FAM227B: variants seen among roughly 807,000 people sequenced by gnomAD.
FAM227B encodes the protein family with sequence similarity 227 member B.
In FAM227B, 88 loss-of-function variants were observed where a neutral mutation model predicts 73.8. That is an observed-to-expected ratio of 1.19 (90% CI 1.00 to 1.42). The LOEUF is 1.42. Among genes scored for constraint, FAM227B ranks in the 40% most tolerant of loss-of-function variants. The pLI is 0.00. For missense variants in FAM227B, 632 were observed against 590.9 expected (o/e 1.07, Z -0.72); for synonymous variants, 210 against 190.5 (o/e 1.10, Z -0.84).
chr15:49,525,702 A>C (rs2152200377), intron 10 of FAM227B, among the ~76,000 whole-genome samples: 1 of 71,306 alleles, frequency 1.4e-5, no homozygotes, highest in African/African-American at 3.8e-5. Context: ...ATATATATAT[A>C]TATATATATA....
chr15:49,563,093 A>G (rs981216539), intron 9 of FAM227B, among the ~76,000 whole-genome samples: 3 of 152,194 alleles, frequency 2.0e-5, no homozygotes, highest in Admixed American at 6.5e-5. Context: ...TACCTAGAAC[A>G]TCCTAAAGAC....
chr15:49,517,679 T>G (rs2059471026), intron 10 of FAM227B, among the ~76,000 whole-genome samples: 1 of 152,164 alleles, frequency 6.6e-6, no homozygotes, highest in Non-Finnish European at 1.5e-5. Flanking sequence ...TTTTGTAAAT[T>G]CATATAAATA....
At chr15:49,569,762 C>T (rs1359787646) in intron 8 of FAM227B, among the ~76,000 whole-genome samples, 3 of 151,922 alleles carry the variant, frequency 2.0e-5, no homozygotes, top group African/African-American at 7.2e-5. Flanking sequence ...ACTCTTTACC[C>T]TTTGAACATG....
intron 11 of FAM227B, among the ~76,000 whole-genome samples, chr15:49,463,648 G>C (rs1490580180): frequency 1.3e-5 from 2 of 151,998 alleles, no homozygotes; most frequent in East Asian, 3.9e-4. Context: ...GAAGTTCGCT[G>C]TGTATAAGTT....
intron 9 of FAM227B, among the ~76,000 whole-genome samples, chr15:49,549,441 C>T (rs1009392866): frequency 6.6e-6 from 1 of 151,968 alleles, no homozygotes; most frequent in Non-Finnish European, 1.5e-5. Context: ...GAACAAAGGT[C>T]TCTGGTTTTC....
intron 11 of FAM227B, among the ~76,000 whole-genome samples, chr15:49,403,731 T>C (rs1431845804): frequency 6.6e-6 from 1 of 152,190 alleles, no homozygotes; most frequent in Non-Finnish European, 1.5e-5. Context: ...ACTGATCTTT[T>C]GAATGTTTTT....
rs182100868 is a variant in FAM227B at position 49,396,341 on chromosome 15, G to A, written c.1013-24942C>T. The A allele has an allele frequency of 8.9e-4, 297 of 332,126 alleles. 1 individual carries two copies. The highest frequency in any genetic ancestry group is 6.1e-3 in the African/African-American group (268 of 44,264). The allele number at this position is 332,126 out of a possible 1,614,324, so 20.6% of individuals were successfully genotyped here. On this transcript the variant is annotated intron_variant, in intron 11 of 15. Coordinates refer to ENST00000299338, the MANE Select transcript of FAM227B (RefSeq NM_152647.3). ...TTATATCCCACACCTGGCTCGGAGG[G>A]TCCTACGCCCACGGAGTCTCGCTGA...
At chr15:49,449,855 T>A (rs533480228) in intron 11 of FAM227B, among the ~76,000 whole-genome samples, 42 of 152,214 alleles carry the variant, frequency 2.8e-4, no homozygotes, top group African/African-American at 9.9e-4. Context: ...ATTACTTAAC[T>A]TTAGAGATAC....
chr15:49,550,845 C>T (rs1457484679), intron 9 of FAM227B, among the ~76,000 whole-genome samples: 1 of 152,010 alleles, frequency 6.6e-6, no homozygotes, highest in African/African-American at 2.4e-5. Context: ...CGATGGGCGG[C>T]CAGGCAGAGA....
At chr15:49,440,623 T>C (rs2051547145) in intron 11 of FAM227B, among the ~76,000 whole-genome samples, 1 of 151,754 alleles carries the variant, frequency 6.6e-6, no homozygotes. Flanking sequence ...AACTTCTCTT[T>C]ATTGGGTATT....
intron 11 of FAM227B, among the ~76,000 whole-genome samples, chr15:49,466,433 T>C (rs1295862323): frequency 6.6e-6 from 1 of 152,170 alleles, no homozygotes; most frequent in East Asian, 1.9e-4. Flanking sequence ...TCTTCTAAGT[T>C]GTAGAAGAAA....
intron 11 of FAM227B, among the ~76,000 whole-genome samples, chr15:49,504,277 G>C (rs2058394583): frequency 7.6e-6 from 1 of 130,730 alleles, no homozygotes; most frequent in African/African-American, 2.9e-5. Flanking sequence ...GGCCTGTTGT[G>C]GGGTGGGGGG....
At chr15:49,467,179 TC>T (rs1249321491) in intron 11 of FAM227B, among the ~76,000 whole-genome samples, 1 of 152,178 alleles carries the variant, frequency 6.6e-6, no homozygotes, top group Non-Finnish European at 1.5e-5. Context: ...GTGTAGTTTA[TC>T]ATCTAAGCTG....
intron 11 of FAM227B, among the ~76,000 whole-genome samples, chr15:49,503,973 A>C (rs1383377414): frequency 1.3e-5 from 2 of 152,056 alleles, no homozygotes; most frequent in African/African-American, 4.8e-5. Context: ...AGACACATGC[A>C]CACGTATGTT....
At chr15:49,429,878 G>T (rs565480363) in intron 11 of FAM227B, among the ~76,000 whole-genome samples, 26 of 152,014 alleles carry the variant, frequency 1.7e-4, no homozygotes, top group African/African-American at 6.0e-4. Flanking sequence ...ATTAGTATTT[G>T]TTAAAGTTCT....
At chr15:49,580,437 G>C (rs1380847097) in intron 5 of FAM227B, among the ~76,000 whole-genome samples, 2 of 152,020 alleles carry the variant, frequency 1.3e-5, no homozygotes, top group African/African-American at 4.8e-5. Context: ...TACAAAAAAA[G>C]ACCCAACACA....
At chr15:49,376,234 T>G (rs568030070) in intron 11 of FAM227B, among the ~76,000 whole-genome samples, 1 of 152,242 alleles carries the variant, frequency 6.6e-6, no homozygotes, top group East Asian at 1.9e-4. Flanking sequence ...TCCTGTTTTC[T>G]CTGAGATTTT....
intron 10 of FAM227B, among the ~76,000 whole-genome samples, chr15:49,517,230 GA>G (rs1378178711): frequency 6.6e-6 from 1 of 151,954 alleles, no homozygotes; most frequent in African/African-American, 2.4e-5. Flanking sequence ...TTTTAGTTGT[GA>G]AAAAATGAAC....
intron 11 of FAM227B, among the ~76,000 whole-genome samples, chr15:49,481,367 C>T (rs1234600071): frequency 2.0e-5 from 3 of 152,084 alleles, no homozygotes; most frequent in African/African-American, 7.2e-5. Context: ...CAAATTTAAC[C>T]TAATAGTATT....
Sources: gnomAD v4.1 joint callset for allele counts (sites outside exome capture counted in the v4.1 genomes callset) on GRCh38, gnomAD v4.1.1 for gene constraint, MANE v1.5 for transcripts, NCBI Gene and HGNC (gene_info 2026-07-23, HGNC 2026-07-21) for gene names.